The following SC5D variants were observed in gnomAD, a reference collection of about 807,000 sequenced individuals.
The protein encoded by SC5D is lathosterol oxidase.
SC5D carries 21 observed loss-of-function variants against 23.9 expected under a neutral mutation model. The observed-to-expected ratio is 0.88, with a 90% CI of 0.62 to 1.26. SC5D has a LOEUF of 1.26. Among genes scored for constraint, SC5D ranks in the 50% most tolerant of loss-of-function variants. The probability of loss-of-function intolerance (pLI) is 0.00; values close to 1 mark genes in which losing one functional copy is unlikely to be tolerated. For missense variants in SC5D, 309 were observed against 364.8 expected (o/e 0.85, Z 1.25); for synonymous variants, 113 against 125.9 (o/e 0.90, Z 0.68).
At chr11:121,297,543 C>G (rs1947897888) in intron 1 of SC5D, among the ~76,000 whole-genome samples, 1 of 152,202 alleles carries the variant, frequency 6.6e-6, no homozygotes, top group Non-Finnish European at 1.5e-5. Flanking sequence ...GCACACCTAC[C>G]AGGTATTCCT....
chr11:121,298,595 C>G (rs1351670543), intron 1 of SC5D, among the ~76,000 whole-genome samples: 1 of 152,164 alleles, frequency 6.6e-6, no homozygotes, highest in Non-Finnish European at 1.5e-5. Flanking sequence ...TGGCCCAAAC[C>G]ATAAATACGT....
intron 1 of SC5D, among the ~76,000 whole-genome samples, chr11:121,300,807 A>G (rs1320785189): frequency 6.6e-6 from 1 of 152,248 alleles, no homozygotes; most frequent in Non-Finnish European, 1.5e-5. Flanking sequence ...TGACAACTAA[A>G]GTATTGAAAG....
Position 121,307,127 on chromosome 11 carries a change from A to T in SC5D, c.515A>T (p.Asp172Val). 6.2e-7 allele frequency: 1 copy of T among 1,614,126 alleles called. No individual in the cohort carries two copies. The highest frequency in any genetic ancestry group is 8.5e-7 in the Non-Finnish European group (1 of 1,180,002). The change falls in exon 5 of 5, where the codon GAT becomes GTT. Residue 172 changes from aspartate to valine, a missense_variant. Coordinates refer to ENST00000264027, the MANE Select transcript of SC5D (RefSeq NM_006918.5). ...GCAAGTCATGCTTTTCACCCTATTG[A>T]TGGCTTTCTTCAGAGTCTACCTTAC... ...PFASHAFHPI[D>V]GFLQSLPYHI... is the part of the protein sequence containing the mutation.
chr11:121,302,206 G>A (rs946920096), intron 1 of SC5D, among the ~76,000 whole-genome samples: 2 of 152,212 alleles, frequency 1.3e-5, no homozygotes, highest in African/African-American at 2.4e-5. Flanking sequence ...ATGAATTGAT[G>A]TTTATTAACG....
At chr11:121,302,580 A>G (rs146683758) in intron 1 of SC5D, among the ~76,000 whole-genome samples, 30 of 152,276 alleles carry the variant, frequency 2.0e-4, no homozygotes, top group Non-Finnish European at 3.7e-4. Context: ...CTTCGGTTCA[A>G]CGGGCCATAC....
At chr11:121,304,737 A>G in intron 3 of SC5D, 1 of 442,980 alleles carries the variant, frequency 2.3e-6, no homozygotes, top group Non-Finnish European at 4.1e-6. Flanking sequence ...GTGATCAGAG[A>G]TGGGTCCTTG....
At chr11:121,300,635 C>G (rs1272222922) in intron 1 of SC5D, among the ~76,000 whole-genome samples, 4 of 152,110 alleles carry the variant, frequency 2.6e-5, no homozygotes, top group Non-Finnish European at 5.9e-5. Context: ...ATGAGATATC[C>G]CTAGGGGGCT....
At chr11:121,303,940 G>T in intron 2 of SC5D, 1 of 259,560 alleles carries the variant, frequency 3.9e-6, no homozygotes, top group Non-Finnish European at 7.4e-6. Flanking sequence ...TTGTTTTTTG[G>T]CTAGATAGGG....
intron 1 of SC5D, among the ~76,000 whole-genome samples, chr11:121,298,790 A>C (rs1947907105): frequency 6.6e-6 from 1 of 152,212 alleles, no homozygotes; most frequent in Non-Finnish European, 1.5e-5. Context: ...ACCTGGATGC[A>C]GTCAGGCTGA....
At chr11:121,298,298 A>G (rs1232985465) in intron 1 of SC5D, among the ~76,000 whole-genome samples, 1 of 152,208 alleles carries the variant, frequency 6.6e-6, no homozygotes, top group East Asian at 1.9e-4. Context: ...TGACCAGAAT[A>G]CAATCTTTTT....
intron 3 of SC5D, chr11:121,305,433 A>G (rs964673594): frequency 6.6e-6 from 1 of 152,088 alleles, no homozygotes; most frequent in Non-Finnish European, 1.5e-5. Context: ...CACTTTAAGT[A>G]AGAAGTTAGT....
chr11:121,310,636 A>G lies in SC5D; in HGVS notation c.*3124A>G, dbSNP rs1024976071. Among the ~76,000 whole-genome samples, 2 of 151,778 alleles carry G rather than the reference A, an allele frequency of 1.3e-5. No individual in the cohort carries two copies. The highest frequency in any genetic ancestry group is 4.8e-5 in the African/African-American group (2 of 41,274). On this transcript the variant is annotated 3_prime_UTR_variant, in exon 5 of 5. Coordinates refer to ENST00000264027, the MANE Select transcript of SC5D (RefSeq NM_006918.5). ...CCACCACGCCCGGCTAATTTTTTAT[A>G]TTTTTAGTAGAGATGGGGTTTCACC...
In SC5D at chr11:121,307,752, T is replaced by G. The variant is rs1947978713; in HGVS notation, c.*240T>G. On this transcript the variant is annotated 3_prime_UTR_variant, in exon 5 of 5. Coordinates refer to ENST00000264027, the MANE Select transcript of SC5D (RefSeq NM_006918.5). ...GCCAGATGTTGTTCGGGGGACAACT[T>G]GTATCTTTCTAGCAGCAGATCTGTA... The G allele has an allele frequency of 2.3e-6, 1 of 430,516 alleles. No individual in the cohort carries two copies. The highest frequency in any genetic ancestry group is 4.1e-6 in the Non-Finnish European group (1 of 241,378). The allele number at this position is 430,516 out of a possible 1,614,324, so 26.7% of individuals were successfully genotyped here. A position where few individuals can be genotyped will look rare whatever the true frequency, so the allele number is the denominator to read the frequency against.
chr11:121,307,273 C>T lies in SC5D; in HGVS notation c.661C>T (p.Pro221Ser), dbSNP rs747141427. 2.0e-5 allele frequency: 32 copies of T among 1,614,094 alleles called. No homozygotes were observed. The highest frequency in any genetic ancestry group is 2.5e-5 in the Non-Finnish European group (29 of 1,179,972). ...TTTTCGTGTCCCCCAAATCTTACAG[C>T]CATTTATTAATGGCTCAGCTCATCA... The part of the protein sequence containing the change: ...GDFRVPQILQ[P>S]FINGSAHHTD... The change falls in exon 5 of 5, where the codon CCA (proline) becomes TCA (serine). Residue 221 changes from proline (P) to serine (S), a missense_variant. Coordinates refer to ENST00000264027, the MANE Select transcript of SC5D (RefSeq NM_006918.5).
chr11:121,300,514 G>A (rs948757404), intron 1 of SC5D, among the ~76,000 whole-genome samples: 1 of 152,190 alleles, frequency 6.6e-6, no homozygotes, highest in Non-Finnish European at 1.5e-5. Context: ...CTGTCCCAGG[G>A]TGTTTTGTCA....
intron 1 of SC5D, among the ~76,000 whole-genome samples, chr11:121,300,549 C>A (rs1450194976): frequency 6.6e-6 from 1 of 152,202 alleles, no homozygotes; most frequent in Non-Finnish European, 1.5e-5. Flanking sequence ...TTACACATAA[C>A]AGGTCTTAGA....
chr11:121,304,768 T>C (rs1947951914), intron 3 of SC5D: 3 of 332,574 alleles, frequency 9.0e-6, no homozygotes, highest in Non-Finnish European at 5.7e-6. Flanking sequence ...CTATTAATTA[T>C]TGAATTCAAC....
chr11:121,311,658 G>T lies in SC5D; in HGVS notation c.*4146G>T, dbSNP rs1327637221. On this transcript the variant is annotated 3_prime_UTR_variant, in exon 5 of 5. Transcript: ENST00000264027. ...TCTATAACTTCATCTCAGAGGAACA[G>T]GAACTTTGGAGATAAACAGGGCTCT... is the stretch of plus-strand genomic sequence containing the variant. Among the ~76,000 whole-genome samples the T allele has an allele frequency of 6.6e-6, 1 of 152,334 alleles. No homozygotes were observed. The highest frequency in any genetic ancestry group is 2.4e-5 in the African/African-American group (1 of 41,582).
chr11:121,305,148 CTT>C (rs1172361694), intron 3 of SC5D: 1 of 150,122 alleles, frequency 6.7e-6, no homozygotes, highest in Non-Finnish European at 1.5e-5. Context: ...AGTGAGTAAA[CTT>C]TTGTGAAATT....
Sources: allele counts gnomAD v4.1 joint callset (sites outside exome capture counted in the v4.1 genomes callset), GRCh38; gene constraint gnomAD v4.1.1; transcripts MANE v1.5; gene names NCBI Gene and HGNC (gene_info 2026-07-23, HGNC 2026-07-21).